PDPN: variants seen among roughly 807,000 people sequenced by gnomAD.
PDPN encodes the protein PA2.26 antigen.
In PDPN, 12 loss-of-function variants were observed where a neutral mutation model predicts 23.2. The ratio of observed to expected loss-of-function variants is 0.52; its 90% CI spans 0.33 to 0.84. The LOEUF (loss-of-function observed/expected upper bound fraction) is 0.84, where lower values mean the gene tolerates loss of function less well. PDPN is among the 40% of genes least tolerant of loss of function. The pLI, the probability that PDPN is intolerant of heterozygous loss-of-function variation, is 0.02. For synonymous variants in PDPN, 77 were observed against 76.7 expected (o/e 1.00, Z -0.02); for missense variants, 199 against 212.2 (o/e 0.94, Z 0.39).
chr1:13,603,648 G>T (rs1488387441), intron 1 of PDPN, among the ~76,000 whole-genome samples: 2 of 151,330 alleles, frequency 1.3e-5, no homozygotes, highest in African/African-American at 2.4e-5. Context: ...GAGTGCAGTG[G>T]CATGATCTCA....
At chr1:13,585,041 C>T (rs1640140460) in intron 1 of PDPN, among the ~76,000 whole-genome samples, 1 of 152,212 alleles carries the variant, frequency 6.6e-6, no homozygotes, top group Admixed American at 6.5e-5. Context: ...TACATCCAGC[C>T]ATGATTCCCC....
At chr1:13,614,739 A>C in intron 5 of PDPN, 1 of 460,658 alleles carries the variant, frequency 2.2e-6, no homozygotes, top group South Asian at 1.6e-5. Context: ...GTGAGCTATG[A>C]TTGTGCCACT....
rs1194946991 is a variant in PDPN, at chr1:13,583,964, C to G, written c.-70C>G. 1 of 1,613,770 alleles carries G rather than the reference C, an allele frequency of 6.2e-7. No individual in the cohort carries two copies. The highest frequency in any genetic ancestry group is 1.3e-5 in the African/African-American group (1 of 75,072). ...CCAGGCTGGGCCTGTGGCCGCGGTG[C>G]TTTTTAATTTTCCCCCAGCTCAGAA... On this transcript the variant is annotated 5_prime_UTR_variant, in exon 1 of 6. Transcript: ENST00000621990.
rs778774660 is a variant in PDPN, at chr1:13,584,169, G to A, written c.67+69G>A. ...CGAGCGAGCAGAGACTTGCTGGAAT[G>A]CCCGGGCCTGGTATTCGAGGTTGTC... On this transcript the variant is annotated intron_variant, in intron 1 of 5. Coordinates refer to ENST00000621990, the MANE Select transcript of PDPN (RefSeq NM_006474.5). 4 of 1,565,774 alleles carry A rather than the reference G, an allele frequency of 2.6e-6. No homozygotes were observed. In the Admixed American group the frequency reaches 7.0e-5, roughly 28 times the overall value.
intron 1 of PDPN, among the ~76,000 whole-genome samples, chr1:13,597,907 C>T (rs1270294454): frequency 6.6e-6 from 1 of 152,024 alleles, no homozygotes; most frequent in Non-Finnish European, 1.5e-5. Flanking sequence ...CCTGGAAAAT[C>T]GAGGCTGCAG....
intron 3 of PDPN, among the ~76,000 whole-genome samples, chr1:13,611,440 C>G (rs1640933873): frequency 6.6e-6 from 1 of 151,896 alleles, no homozygotes; most frequent in South Asian, 2.1e-4. Context: ...ATGGAGGAAA[C>G]TTAAGGACAT....
rs769970211 is a variant in PDPN at position 13,607,297 on chromosome 1, G to C, written c.192G>C (p.Leu64Phe). 6.8e-6 allele frequency: 11 copies of C among 1,613,936 alleles called. No homozygotes were observed. Among genetic ancestry groups the C allele is most frequent in the African/African-American group, 1.3e-5 (1 of 75,036 alleles). ...GCGAAGACCGCTATAAGTCTGGCTT[G>C]ACAACTCTGGTCAGTGTCCTGGGAA... is the stretch of plus-strand genomic sequence containing the variant. The part of the protein sequence containing the change: ...GTSEDRYKSG[L>F]TTLVATSVNS... Residue 64 changes from leucine (L) to phenylalanine (F), a missense_variant, in exon 2 of 6, where the codon TTG becomes TTC. Physicochemically the swap from Leu to Phe is conservative, Grantham distance 22. Transcript: ENST00000621990.
chr1:13,617,072 TGAAAA>T lies in PDPN; in HGVS notation c.*1165_*1169del, dbSNP rs996239205. 3.9e-5 allele frequency: 6 copies of T among 152,094 alleles called. No individual in the cohort carries two copies. The highest frequency in any genetic ancestry group is 1.9e-4 in the East Asian group (1 of 5,172). The allele number at this position is 152,094 out of a possible 1,614,324, so 9.4% of individuals were successfully genotyped here. A position where few individuals can be genotyped will look rare whatever the true frequency, so the allele number is the denominator to read the frequency against. ...ACCGCAAATATCTGTGGGGTCCTGT[TGAAAA>T]GAACAAAATAAAGGAGCCCAAGGGG... is the stretch of plus-strand genomic sequence containing the variant. On this transcript the variant is annotated 3_prime_UTR_variant, in exon 6 of 6. Transcript: ENST00000621990.
At chr1:13,604,796 T>C (rs1640740898) in intron 1 of PDPN, among the ~76,000 whole-genome samples, 1 of 152,160 alleles carries the variant, frequency 6.6e-6, no homozygotes, top group South Asian at 2.1e-4. Flanking sequence ...CAAAGGGATA[T>C]TTCCCATTGA....
intron 1 of PDPN, among the ~76,000 whole-genome samples, chr1:13,589,841 C>T (rs1259575992): frequency 2.0e-5 from 3 of 148,728 alleles, no homozygotes; most frequent in African/African-American, 7.6e-5. Flanking sequence ...ATTGATTGAT[C>T]GATTGAGATG....
intron 1 of PDPN, among the ~76,000 whole-genome samples, chr1:13,585,961 T>C (rs920521615): frequency 1.3e-5 from 2 of 152,220 alleles, no homozygotes; most frequent in African/African-American, 4.8e-5. Context: ...TCCAGGGTTA[T>C]AATCTGGTTC....
Position 13,616,262 on chromosome 1 carries a change from G to C in PDPN, c.*351G>C. 1 of 295,806 alleles carries C rather than the reference G, an allele frequency of 3.4e-6. No individual in the cohort carries two copies. Among genetic ancestry groups the C allele is most frequent in the Non-Finnish European group, 6.3e-6 (1 of 158,068 alleles). The allele number at this position is 295,806 out of a possible 1,614,324, so 18.3% of individuals were successfully genotyped here. On this transcript the variant is annotated 3_prime_UTR_variant, in exon 6 of 6. Coordinates refer to ENST00000621990, the MANE Select transcript of PDPN (RefSeq NM_006474.5). ...ATGCTGTAACCATGTGTCTCCGTCT[G>C]ACCATTCTTGTTATTGTTAAAATGC...
rs532394472 is a variant in PDPN at position 13,610,459 on chromosome 1, G to A, written c.274G>A (p.Ala92Thr). The change falls in exon 3 of 6, where the codon GCG becomes ACG. Residue 92 changes from alanine to threonine, a missense_variant. Ala to Thr is a moderately conservative substitution (Grantham distance 58). Coordinates refer to ENST00000621990, the MANE Select transcript of PDPN (RefSeq NM_006474.5). ...GCCAACTTCAGAAAGCACAGTCCAC[G>A]CGCAAGAACAAAGTCCAAGCGCCAC... is the stretch of plus-strand genomic sequence containing the variant. Reference protein sequence around the residue: ...DLPTSESTVHAQEQSPSATAS... With the variant: ...DLPTSESTVHTQEQSPSATAS... The A allele has an allele frequency of 2.5e-5, 41 of 1,614,030 alleles. No homozygotes were observed. In the East Asian group the frequency reaches 3.1e-4, roughly 12 times the overall value.
At chr1:13,603,081 G>GA (rs34031246) in intron 1 of PDPN, among the ~76,000 whole-genome samples, 8,925 of 151,160 alleles carry the variant, frequency 0.059, 280 homozygotes, top group Middle Eastern at 0.085. Context: ...GAGAGAGAGA[G>GA]AAAAAAACAG....
chr1:13,587,289 G>A (rs1640205514), intron 1 of PDPN, among the ~76,000 whole-genome samples: 3 of 152,120 alleles, frequency 2.0e-5, no homozygotes, highest in African/African-American at 7.2e-5. Context: ...GTTACTAGAT[G>A]CAGAATTTGA....
At chr1:13,608,090 A>G (rs1042687123) in intron 2 of PDPN, among the ~76,000 whole-genome samples, 1 of 152,228 alleles carries the variant, frequency 6.6e-6, no homozygotes, top group East Asian at 1.9e-4. Flanking sequence ...GGGCAACGAG[A>G]GTGAAACTCC....
chr1:13,587,493 A>T (rs1340515978), intron 1 of PDPN, among the ~76,000 whole-genome samples: 1 of 152,064 alleles, frequency 6.6e-6, no homozygotes, highest in Non-Finnish European at 1.5e-5. Flanking sequence ...AGGAGGAGGG[A>T]GAGAGAACTC....
chr1:13,600,896 C>T (rs1640625964), intron 1 of PDPN, among the ~76,000 whole-genome samples: 1 of 152,054 alleles, frequency 6.6e-6, no homozygotes, highest in South Asian at 2.1e-4. Flanking sequence ...TCTTGCTAAA[C>T]TGGCCTAACA....
chr1:13,584,105 G>C lies in PDPN; in HGVS notation c.67+5G>C, dbSNP rs367829245. On this transcript the variant is annotated splice_donor_5th_base_variant and intron_variant, in intron 1 of 5. Coordinates refer to ENST00000621990, the MANE Select transcript of PDPN (RefSeq NM_006474.5). ...TCTGGGTCCTGGCAGAAGGAGGTAAGACCCAGCGCAAGTGGCTTCCTGCCG... is the reference window on the plus strand; with the variant it reads ...TCTGGGTCCTGGCAGAAGGAGGTAACACCCAGCGCAAGTGGCTTCCTGCCG... 2.2e-5 allele frequency: 35 copies of C among 1,612,760 alleles called. No homozygotes were observed. The highest frequency in any genetic ancestry group is 2.6e-5 in the Non-Finnish European group (31 of 1,179,926).
Sources: gnomAD v4.1 joint callset for allele counts (sites outside exome capture counted in the v4.1 genomes callset) on GRCh38, gnomAD v4.1.1 for gene constraint, MANE v1.5 for transcripts, NCBI Gene and HGNC (gene_info 2026-07-23, HGNC 2026-07-21) for gene names.